The following PTPN21 variants were observed in gnomAD, a reference collection of about 807,000 sequenced individuals.
PTPN21 encodes tyrosine-protein phosphatase non-receptor type 21.
In PTPN21, 77 loss-of-function variants were observed where a neutral mutation model predicts 131.8. That is an observed-to-expected ratio of 0.58 (90% CI 0.49 to 0.71). The LOEUF (loss-of-function observed/expected upper bound fraction) is 0.71. Among genes scored for constraint, PTPN21 ranks in the 30% least tolerant of loss-of-function variants. PTPN21 has a pLI of 0.00. For missense variants in PTPN21, 1,552 were observed against 1,527.1 expected (o/e 1.02, Z -0.27); for synonymous variants, 715 against 621.3 (o/e 1.15, Z -2.24).
chr14:88,505,085 T>A (rs979522439), intron 5 of PTPN21, among the ~76,000 whole-genome samples: 4 of 152,206 alleles, frequency 2.6e-5, no homozygotes, highest in African/African-American at 7.2e-5. Context: ...CCAGGCACAG[T>A]GCAGTGACTA....
At chr14:88,500,369 G>A (rs765439100) in intron 8 of PTPN21, among the ~76,000 whole-genome samples, 3 of 152,218 alleles carry the variant, frequency 2.0e-5, no homozygotes, top group Non-Finnish European at 4.4e-5. Context: ...GGTCAAGGCT[G>A]CAGTGAGTGG....
chr14:88,507,877 A>G (rs181765740), intron 4 of PTPN21, 46 bp downstream of exon 4: 1 of 1,239,292 alleles, frequency 8.1e-7, no homozygotes, highest in Admixed American at 2.1e-5. Flanking sequence ...GTTGTAACAC[A>G]TTTTAATCTG....
At chr14:88,519,154 C>T (rs2078351247) in intron 2 of PTPN21, among the ~76,000 whole-genome samples, 1 of 152,176 alleles carries the variant, frequency 6.6e-6, no homozygotes. Flanking sequence ...AATACTAGCC[C>T]TGGGCCTGGT....
intron 10 of PTPN21, among the ~76,000 whole-genome samples, chr14:88,487,965 CAAAAAA>C (rs535857551): frequency 2.1e-4 from 19 of 92,530 alleles, no homozygotes; most frequent in African/African-American, 3.6e-4. Context: ...GACTCCATCT[CAAAAAA>C]AAAAAAAAAA....
intron 12 of PTPN21, among the ~76,000 whole-genome samples, chr14:88,480,840 T>C (rs1367113168): frequency 6.6e-6 from 1 of 152,186 alleles, no homozygotes; most frequent in African/African-American, 2.4e-5. Context: ...GGTAATGGTA[T>C]AGCAGGATCT....
At chr14:88,514,709 C>T (rs1162986125) in intron 3 of PTPN21, among the ~76,000 whole-genome samples, 1 of 152,034 alleles carries the variant, frequency 6.6e-6, no homozygotes, top group East Asian at 1.9e-4. Flanking sequence ...GGTGATCTGG[C>T]CCCCTCAGCC....
chr14:88,548,398 C>T (rs1187086324), intron 2 of PTPN21, among the ~76,000 whole-genome samples: 1 of 152,202 alleles, frequency 6.6e-6, no homozygotes, highest in African/African-American at 2.4e-5. Flanking sequence ...TGGTCCTGTG[C>T]AGTTCTCTTT....
At chr14:88,542,327 A>G (rs1159412483) in intron 2 of PTPN21, among the ~76,000 whole-genome samples, 1 of 152,182 alleles carries the variant, frequency 6.6e-6, no homozygotes, top group African/African-American at 2.4e-5. Flanking sequence ...TACACCAAAG[A>G]CAGTGACAGC....
intron 7 of PTPN21, 47 bp from the exon 8 acceptor site, chr14:88,500,918 A>G: frequency 7.5e-7 from 1 of 1,339,124 alleles, no homozygotes; most frequent in Non-Finnish European, 1.1e-6. Flanking sequence ...GCAGATGCAG[A>G]GGAACTGCTG....
In PTPN21 at chr14:88,469,004, G is replaced by A. The variant is rs141951135; in HGVS notation, c.3308C>T (p.Pro1103Leu). 60 of 1,614,028 alleles carry A rather than the reference G, an allele frequency of 3.7e-5. No homozygotes were observed. The highest frequency in any genetic ancestry group is 1.5e-4 in the Admixed American group (9 of 59,998). The stretch of plus-strand genomic sequence containing the variant: ...CCCAGCACTGCAGTGGACCAACAAC[G>A]GAGGGTTGGGGCTTTGGGGATCACT... Reference protein sequence around the residue: ...STSDPQSPNPPLLVHCSAGVG... With the variant: ...STSDPQSPNPLLLVHCSAGVG... Residue 1103 changes from proline to leucine, a missense_variant, in exon 18 of 19, where the codon CCG (proline) becomes CTG (leucine). Physicochemically the swap from Pro to Leu is moderately conservative, Grantham distance 98. This residue lies in a region of PTPN21 where 316 missense variants were observed against 378.5 expected (regional missense o/e 0.83). Coordinates refer to ENST00000556564, the MANE Select transcript of PTPN21 (RefSeq NM_007039.4). This position sits in a 1 kb window ranked among gnomAD's most constrained non-coding sequence, Gnocchi z 4.3.
At position 88,554,708 on chromosome 14, in the gene PTPN21, C is replaced by T. The variant is rs1003934615; in HGVS notation, c.-260G>A. 4 of 147,864 alleles carry T rather than the reference C, an allele frequency of 2.7e-5. No individual in the cohort carries two copies. Among genetic ancestry groups the T allele is most frequent in the Non-Finnish European group, 4.5e-5 (3 of 66,392 alleles). The allele number at this position is 147,864 out of a possible 1,614,324, so 9.2% of individuals were successfully genotyped here. A position where few individuals can be genotyped will look rare whatever the true frequency, so the allele number is the denominator to read the frequency against. On this transcript the variant is annotated 5_prime_UTR_variant, in exon 1 of 19. Coordinates refer to ENST00000556564, the MANE Select transcript of PTPN21 (RefSeq NM_007039.4). ...CCGCGCGCCCCGCTCAGCGACCCGC[C>T]TCCCGGGGCCCCGCCGCGCGGCCGC...
rs548332462 is a variant in PTPN21, at chr14:88,479,708, C to T, written c.1723G>A (p.Ala575Thr). ...PPPPYPPPRP[A>T]NSTPDLSRHL... The stretch of plus-strand genomic sequence containing the variant: ...CGGGACAGGTCTGGCGTGCTGTTGG[C>T]GGGCCTGGGGGGCGGGTAGGGTGGG... The change falls in exon 13 of 19, where the codon GCC (alanine) becomes ACC (threonine). Residue 575 changes from alanine to threonine, a missense_variant. By Grantham distance (58) the Ala-to-Thr change is moderately conservative. Transcript: ENST00000556564. The T allele has an allele frequency of 6.2e-4, 219 of 356,002 alleles. 2 individuals are homozygous for T. The South Asian group carries it at 6.4e-3, about 10-fold the overall frequency. 22.1% of individuals were successfully genotyped at this position (356,002 alleles called of 1,614,324 possible).
chr14:88,534,698 A>G (rs1385447085), intron 2 of PTPN21, among the ~76,000 whole-genome samples: 1 of 151,596 alleles, frequency 6.6e-6, no homozygotes, highest in Non-Finnish European at 1.5e-5. Flanking sequence ...ACATGTTGAA[A>G]CCCCATTTCT....
chr14:88,535,192 T>C (rs1409089425), intron 2 of PTPN21, among the ~76,000 whole-genome samples: 1 of 152,216 alleles, frequency 6.6e-6, no homozygotes, highest in Admixed American at 6.5e-5. Context: ...ACAGGTTTAT[T>C]ATAGCCTACC....
At chr14:88,493,100 T>C (rs1301338213) in intron 10 of PTPN21, 3 of 456,538 alleles carry the variant, frequency 6.6e-6, no homozygotes, top group East Asian at 6.9e-5. Context: ...ATTTCACTTC[T>C]GTAAGTCTCC....
At chr14:88,536,519 G>A (rs1041331193) in intron 2 of PTPN21, among the ~76,000 whole-genome samples, 1 of 152,150 alleles carries the variant, frequency 6.6e-6, no homozygotes, top group African/African-American at 2.4e-5. Context: ...ATTTGAGATG[G>A]GGAAAAAATG....
chr14:88,516,389 T>C (rs1595390120), intron 3 of PTPN21, among the ~76,000 whole-genome samples: 1 of 152,144 alleles, frequency 6.6e-6, no homozygotes, highest in Non-Finnish European at 1.5e-5. Flanking sequence ...ACTTCATTTT[T>C]GAACATATTT....
At chr14:88,513,845 T>G (rs1438611120) in intron 3 of PTPN21, 1 of 152,238 alleles carries the variant, frequency 6.6e-6, no homozygotes, top group Non-Finnish European at 1.5e-5. Context: ...TACTTTTTTG[T>G]CTGTTGGCAT....
chr14:88,484,323 G>A (rs2077701090), intron 12 of PTPN21, among the ~76,000 whole-genome samples: 1 of 151,382 alleles, frequency 6.6e-6, no homozygotes, highest in Non-Finnish European at 1.5e-5. Flanking sequence ...CTTAGCATTT[G>A]GTATAGCCCC....
Sources: allele counts gnomAD v4.1 joint callset (sites outside exome capture counted in the v4.1 genomes callset), GRCh38; gene constraint gnomAD v4.1.1; regional missense constraint gnomAD v4.1.1; non-coding constraint Gnocchi (gnomAD v3.1); transcripts MANE v1.5; gene names NCBI Gene and HGNC (gene_info 2026-07-23, HGNC 2026-07-21).